SPG11: variants seen among roughly 807,000 people sequenced by gnomAD.
SPG11 encodes SPG11 vesicle trafficking associated, spatacsin.
Under a neutral mutation model 274.0 loss-of-function variants are expected in SPG11, and 222 were observed. The observed-to-expected ratio is 0.81, with a 90% confidence interval of 0.73 to 0.91. The LOEUF (loss-of-function observed/expected upper bound fraction) is 0.91. SPG11 is among the 40% of genes least tolerant of loss of function. SPG11 has a pLI of 0.00. For missense variants in SPG11, 3,114 were observed against 2,872.7 expected (o/e 1.08, Z -1.92); for synonymous variants, 1,144 against 1,039.7 (o/e 1.10, Z -1.93).
intron 34 of SPG11, 33 bp from the exon 35 acceptor site, chr15:44,569,538 C>T: frequency 6.7e-7 from 1 of 1,500,718 alleles, no homozygotes; most frequent in Non-Finnish European, 9.1e-7. Context: ...GCATCAGCAT[C>T]ACCTGGAGTC....
intron 17 of SPG11, among the ~76,000 whole-genome samples, chr15:44,611,306 A>G (rs1011013525): frequency 3.9e-5 from 6 of 152,200 alleles, no homozygotes; most frequent in Non-Finnish European, 7.3e-5. Flanking sequence ...ATCCAAATCA[A>G]TGCCAAAAAT....
At chr15:44,648,641 C>T (rs1057481656) in intron 7 of SPG11, among the ~76,000 whole-genome samples, 2 of 151,948 alleles carry the variant, frequency 1.3e-5, no homozygotes, top group African/African-American at 4.8e-5. Flanking sequence ...ATTTCCTGTA[C>T]CTTTTTCTTA....
intron 19 of SPG11, among the ~76,000 whole-genome samples, chr15:44,607,595 T>C (rs1352271758): frequency 6.6e-6 from 1 of 152,086 alleles, no homozygotes; most frequent in African/African-American, 2.4e-5. Context: ...AACCTTACGT[T>C]GAGTTGAAGA....
At position 44,621,771 on chromosome 15, in the gene SPG11, T is replaced by C. The variant is rs312262745; in HGVS notation, c.2608A>G (p.Ile870Val). The C allele has an allele frequency of 6.2e-7, 1 of 1,614,036 alleles. No individual in the cohort carries two copies. The highest frequency in any genetic ancestry group is 8.5e-7 in the Non-Finnish European group (1 of 1,179,960). ...LTQESILLPRISPEEYKSYSP... is the reference protein window; with the variant it reads ...LTQESILLPRVSPEEYKSYSP... ...CTCTCACACTTGCCTTCTGGACTTA[T>C]CCTGGGGAGAAGGATGGATTCTTGT... The change falls in exon 14 of 40, where the codon ATA (isoleucine) becomes GTA (valine). Residue 870 changes from isoleucine to valine, a missense_variant. Physicochemically the swap from Ile to Val is conservative, Grantham distance 29. Transcript: ENST00000261866.
chr15:44,629,217 T>C lies in SPG11; in HGVS notation c.1891+16A>G, dbSNP rs557248278. On this transcript the variant is annotated intron_variant, in intron 9 of 39. Transcript: ENST00000261866. ...AGGAACAGTAGAATTGCCCCCTTCC[T>C]AGCTGCTATTCTTACCTTCAGTGTG... The C allele has an allele frequency of 4.8e-5, 77 of 1,613,318 alleles. 1 individual carries two copies. In the East Asian group the frequency reaches 1.5e-3, roughly 32 times the overall value.
At chr15:44,573,954 G>T (rs1026350241) in intron 31 of SPG11, 82 of 605,616 alleles carry the variant, frequency 1.4e-4, no homozygotes, top group Admixed American at 1.7e-4. Context: ...AGAAAGGCTT[G>T]TATTCAGAAA....
chr15:44,640,212 A>C (rs1361378117), intron 7 of SPG11, among the ~76,000 whole-genome samples: 1 of 152,256 alleles, frequency 6.6e-6, no homozygotes, highest in African/African-American at 2.4e-5. Flanking sequence ...TCCGTCTCAA[A>C]AAAAACAAAA....
At chr15:44,584,653 G>T in intron 29 of SPG11, 95 bp from the exon 30 acceptor site, 1 of 1,455,228 alleles carries the variant, frequency 6.9e-7, no homozygotes, top group Non-Finnish European at 9.4e-7. Context: ...TGTTTGGACA[G>T]GGTCTCAGTC....
At chr15:44,662,647 C>CAAA in intron 1 of SPG11, among the ~76,000 whole-genome samples, 1 of 109,882 alleles carries the variant, frequency 9.1e-6, no homozygotes, top group South Asian at 3.2e-4. Flanking sequence ...GCGACCTTAT[C>CAAA]TTTAAAAAAA....
At position 44,622,797 on chromosome 15, in the gene SPG11, C is replaced by T. The variant is rs1334032660; in HGVS notation, c.2247G>A (p.Gly749=). Residue 749 remains glycine (G), a splice_region_variant and synonymous_variant, in exon 12 of 40, where the codon GGG becomes GGA. Transcript: ENST00000261866. The part of the protein sequence containing the change: ...KEASELLKNM[G]FDVKGQLLKI... The stretch of plus-strand genomic sequence containing the variant: ...TGAGCAATTGGCCTTTTACATCAAA[C>T]CCCTAAAATAAACATAGAAAACCAA... 1.9e-6 allele frequency: 3 copies of T among 1,613,082 alleles called. No homozygotes were observed. In the African/African-American group the frequency reaches 4.0e-5, roughly 22 times the overall value.
intron 35 of SPG11, among the ~76,000 whole-genome samples, chr15:44,568,824 A>G (rs2082358617): frequency 6.6e-6 from 1 of 152,178 alleles, no homozygotes; most frequent in Non-Finnish European, 1.5e-5. Flanking sequence ...CATTTAAGAC[A>G]GTAGAGGCAG....
At chr15:44,576,722 T>A (rs2082547757) in intron 30 of SPG11, among the ~76,000 whole-genome samples, 1 of 152,094 alleles carries the variant, frequency 6.6e-6, no homozygotes, top group African/African-American at 2.4e-5. Flanking sequence ...TATGATGTAA[T>A]CTCATTTTTT....
intron 36 of SPG11, 94 bp downstream of exon 36, chr15:44,567,329 GA>G: frequency 7.2e-7 from 1 of 1,380,572 alleles, no homozygotes; most frequent in South Asian, 1.2e-5. Context: ...CCAGCCTGGG[GA>G]CAGAGCGAGA....
intron 35 of SPG11, 59 bp from the exon 36 acceptor site, chr15:44,567,651 A>G: frequency 1.3e-6 from 2 of 1,575,302 alleles, no homozygotes; most frequent in Non-Finnish European, 1.7e-6. Context: ...GGCAGACAGG[A>G]CTAGCTGAGT....
intron 7 of SPG11, among the ~76,000 whole-genome samples, chr15:44,637,714 T>C (rs1374953890): frequency 1.3e-5 from 2 of 152,200 alleles, no homozygotes; most frequent in African/African-American, 4.8e-5. Flanking sequence ...ACATTTACAA[T>C]GGTGGTTCCC....
chr15:44,575,181 C>T, intron 30 of SPG11, 140 bp from the exon 31 acceptor site: 1 of 1,021,034 alleles, frequency 9.8e-7, no homozygotes, highest in Non-Finnish European at 1.4e-6. Flanking sequence ...CCACTGCTGA[C>T]AGGGCCCCAC....
At chr15:44,565,138 TA>T (rs1176197366) in intron 38 of SPG11, among the ~76,000 whole-genome samples, 1 of 152,218 alleles carries the variant, frequency 6.6e-6, no homozygotes, top group Non-Finnish European at 1.5e-5. Flanking sequence ...GATTCCCTGA[TA>T]ATCCACTTCT....
chr15:44,638,006 A>G (rs1363539942), intron 7 of SPG11, among the ~76,000 whole-genome samples: 1 of 152,252 alleles, frequency 6.6e-6, no homozygotes, highest in Non-Finnish European at 1.5e-5. Context: ...ATTTTCAGCA[A>G]AAAGTTTAAA....
intron 35 of SPG11, among the ~76,000 whole-genome samples, chr15:44,568,404 A>G (rs914392614): frequency 1.3e-5 from 2 of 152,170 alleles, no homozygotes; most frequent in African/African-American, 4.8e-5. Flanking sequence ...GCCCAATATT[A>G]AAGAGAGATT....
Sources: allele counts gnomAD v4.1 joint callset (sites outside exome capture counted in the v4.1 genomes callset), GRCh38; gene constraint gnomAD v4.1.1; transcripts MANE v1.5; gene names NCBI Gene and HGNC (gene_info 2026-07-23, HGNC 2026-07-21).